Variants in MECOM observed in about 807,000 individuals in gnomAD.
MECOM encodes the protein histone-lysine N-methyltransferase MECOM.
In MECOM, 13 loss-of-function variants were observed where a neutral mutation model predicts 116.3. The observed-to-expected ratio is 0.11, with a 90% CI of 0.07 to 0.18. The LOEUF is 0.18. Among genes scored for constraint, MECOM ranks in the 10% least tolerant of loss-of-function variants. The probability of loss-of-function intolerance (pLI) is 1.00; values close to 1 mark genes in which losing one functional copy is unlikely to be tolerated. For synonymous variants in MECOM, 528 were observed against 535.2 expected, an observed-to-expected ratio of 0.99 and a Z score of 0.19; for missense variants, 1,299 against 1,509.0, an observed-to-expected ratio of 0.86 and a Z score of 2.31.
chr3:169,192,118 G>A (rs1747783438), intron 2 of MECOM, among the ~76,000 whole-genome samples: 1 of 151,994 alleles, frequency 6.6e-6, no homozygotes, highest in Admixed American at 6.6e-5. Flanking sequence ...GAGGATCACA[G>A]CCAACAGTTT....
intron 1 of MECOM, among the ~76,000 whole-genome samples, chr3:169,591,964 A>G (rs1296085636): frequency 2.0e-5 from 3 of 152,178 alleles, no homozygotes; most frequent in Non-Finnish European, 4.4e-5. Context: ...GTCCCCACCC[A>G]TTTCATCTTC....
rs190691201 is a variant in MECOM at position 169,611,621 on chromosome 3, C to G, written c.37+51715G>C. On this transcript the variant is annotated intron_variant, in intron 1 of 16. Transcript: ENST00000651503. This position sits in a 1 kb window ranked among gnomAD's most constrained non-coding sequence, Gnocchi z 4.1. ...ATTGCTTTCCTTCTGACTTAAAGAG[C>G]GTTCCTATAACAGCTAATAATCTCT... Among the ~76,000 whole-genome samples the G allele has an allele frequency of 6.6e-6, 1 of 152,164 alleles. No homozygotes were observed. The highest frequency in any genetic ancestry group is 2.4e-5 in the African/African-American group (1 of 41,448).
Position 169,471,769 on chromosome 3 carries a change from C to T in MECOM, c.38-90245G>A, listed in dbSNP as rs529399930. Among the ~76,000 whole-genome samples the T allele has an allele frequency of 6.6e-4, 100 of 152,312 alleles. No homozygotes were observed. In the Middle Eastern group the frequency reaches 0.017, roughly 26 times the overall value. On this transcript the variant is annotated intron_variant, in intron 1 of 16. Transcript: ENST00000651503. ...ATTTTGGAGGCAAACAAAGCACTTC[C>T]ATGTCGTTTCCCTCTTCTGTTTTTC...
At chr3:169,254,867 A>G (rs1377466335) in intron 2 of MECOM, among the ~76,000 whole-genome samples, 2 of 152,102 alleles carry the variant, frequency 1.3e-5, no homozygotes, top group Non-Finnish European at 2.9e-5. Context: ...TGATAGATAT[A>G]GAAGTGGTGT....
intron 13 of MECOM, among the ~76,000 whole-genome samples, chr3:169,093,334 AAAG>A (rs1169641912): frequency 2.0e-5 from 3 of 152,204 alleles, no homozygotes; most frequent in African/African-American, 7.2e-5. Context: ...ACAGTCTCGC[AAAG>A]AAGGTGCTTC....
chr3:169,250,437 A>G (rs898940465), intron 2 of MECOM, among the ~76,000 whole-genome samples: 3 of 152,214 alleles, frequency 2.0e-5, no homozygotes, highest in Admixed American at 2.0e-4. Context: ...GAAGACCTTT[A>G]TGCAAAATGT....
chr3:169,359,296 T>C (rs928578262), intron 2 of MECOM, among the ~76,000 whole-genome samples: 5 of 151,746 alleles, frequency 3.3e-5, no homozygotes, highest in African/African-American at 4.8e-5. Flanking sequence ...TCAACTATAC[T>C]TTACAACTGT....
intron 2 of MECOM, among the ~76,000 whole-genome samples, chr3:169,240,329 G>A (rs933501736): frequency 6.6e-6 from 1 of 152,156 alleles, no homozygotes; most frequent in African/African-American, 2.4e-5. Context: ...CTCTAGCTGG[G>A]TTTCAGCCTC....
chr3:169,511,629 T>C (rs1043960569), intron 1 of MECOM, among the ~76,000 whole-genome samples: 1 of 151,890 alleles, frequency 6.6e-6, no homozygotes, highest in African/African-American at 2.4e-5. Flanking sequence ...CTGGGTGTGA[T>C]GGTGGGCGCT....
intron 2 of MECOM, among the ~76,000 whole-genome samples, chr3:169,190,636 C>T (rs897041713): frequency 1.3e-5 from 2 of 151,982 alleles, no homozygotes; most frequent in African/African-American, 2.4e-5. Context: ...TCCAAAGTCA[C>T]ACATTTATAC....
chr3:169,608,136 T>A (rs769856476), intron 1 of MECOM, among the ~76,000 whole-genome samples: 2 of 152,196 alleles, frequency 1.3e-5, no homozygotes, highest in Non-Finnish European at 2.9e-5. Context: ...ATGAGGTACT[T>A]GTGGTGTAAA....
intron 2 of MECOM, among the ~76,000 whole-genome samples, chr3:169,175,338 T>C (rs886572149): frequency 1.3e-5 from 2 of 152,142 alleles, no homozygotes; most frequent in Non-Finnish European, 2.9e-5. Context: ...CAGATTGTCC[T>C]TATATAGGTG....
chr3:169,125,687 CAT>C (rs1732593143), intron 5 of MECOM, among the ~76,000 whole-genome samples: 1 of 152,106 alleles, frequency 6.6e-6, no homozygotes, highest in Non-Finnish European at 1.5e-5. Context: ...CTTTCATAAA[CAT>C]AGAAGCAATG....
At chr3:169,387,778 T>C (rs563913599) in intron 1 of MECOM, among the ~76,000 whole-genome samples, 2 of 152,052 alleles carry the variant, frequency 1.3e-5, no homozygotes, top group South Asian at 2.1e-4. Flanking sequence ...ATCTTAAAAA[T>C]AGGCTGAGAC....
At chr3:169,216,909 T>A (rs1219398666) in intron 2 of MECOM, among the ~76,000 whole-genome samples, 7 of 29,716 alleles carry the variant, frequency 2.4e-4, no homozygotes, top group African/African-American at 6.9e-4. Flanking sequence ...TTACACGGAG[T>A]TACTTAAAAC....
intron 1 of MECOM, among the ~76,000 whole-genome samples, chr3:169,420,521 G>T (rs527458007): frequency 7.2e-5 from 11 of 152,188 alleles, no homozygotes; most frequent in Non-Finnish European, 1.3e-4. Context: ...CTTTTTATCT[G>T]AACAATGAGG....
rs145238370 is a variant in MECOM, at chr3:169,626,052, T to G, written c.37+37284A>C. 2.8e-4 allele frequency among the ~76,000 whole-genome samples: 43 copies of G among 152,368 alleles called. No homozygotes were observed. The East Asian group carries it at 7.7e-3, about 27-fold the overall frequency. ...CAAAAACTCATTTTATTCAAAAGTT[T>G]CCTTATGTAAGTGATGGTTCTGAAG... On this transcript the variant is annotated intron_variant, in intron 1 of 16. Coordinates refer to ENST00000651503, the MANE Select transcript of MECOM (RefSeq NM_004991.4).
At chr3:169,473,758 A>G (rs1041825994) in intron 1 of MECOM, among the ~76,000 whole-genome samples, 1 of 149,474 alleles carries the variant, frequency 6.7e-6, no homozygotes, top group Non-Finnish European at 1.5e-5. Flanking sequence ...ACAGAGCCAG[A>G]CTCCCTCTTA....
At chr3:169,241,924 A>G (rs1182156203) in intron 2 of MECOM, among the ~76,000 whole-genome samples, 1 of 152,232 alleles carries the variant, frequency 6.6e-6, no homozygotes, top group South Asian at 2.1e-4. Context: ...TACATGAAAT[A>G]AAGTAAAAAT....
Sources: gnomAD v4.1 joint callset for allele counts (sites outside exome capture counted in the v4.1 genomes callset) on GRCh38, gnomAD v4.1.1 for gene constraint, Gnocchi (gnomAD v3.1) non-coding constraint, MANE v1.5 for transcripts, NCBI Gene and HGNC (gene_info 2026-07-23, HGNC 2026-07-21) for gene names.